TBL1XR1: variants seen among roughly 807,000 people sequenced by gnomAD.
TBL1XR1 encodes the protein F-box-like/WD repeat-containing protein TBL1XR1.
TBL1XR1 carries 5 observed loss-of-function variants against 66.9 expected under a neutral mutation model. The ratio of observed to expected loss-of-function variants is 0.07; its 90% CI spans 0.04 to 0.16. The LOEUF (loss-of-function observed/expected upper bound fraction) is 0.16, where lower values mean the gene tolerates loss of function less well. TBL1XR1 is among the 10% of genes least tolerant of loss of function. The pLI, the probability that TBL1XR1 is intolerant of heterozygous loss-of-function variation, is 1.00. For synonymous variants in TBL1XR1, 210 were observed against 206.0 expected, an observed-to-expected ratio of 1.02 and a Z score of -0.17; for missense variants, 238 against 623.2, an observed-to-expected ratio of 0.38 and a Z score of 6.58.
intron 1 of TBL1XR1, among the ~76,000 whole-genome samples, chr3:177,173,208 A>C (rs924398502): frequency 1.3e-5 from 2 of 152,096 alleles, no homozygotes; most frequent in South Asian, 2.1e-4. Context: ...AAACAAAACA[A>C]AACACCATAT....
At chr3:177,135,203 C>T (rs1346467990) in intron 1 of TBL1XR1, among the ~76,000 whole-genome samples, 2 of 148,590 alleles carry the variant, frequency 1.3e-5, no homozygotes, top group Admixed American at 6.8e-5. Flanking sequence ...GGTTTCGCCA[C>T]GTTGGCCAGA....
intron 1 of TBL1XR1, among the ~76,000 whole-genome samples, chr3:177,179,693 CAA>C (rs1313277432): frequency 2.0e-5 from 3 of 152,158 alleles, no homozygotes; most frequent in African/African-American, 7.2e-5. Flanking sequence ...CCATATTTAT[CAA>C]AGACCATTAG....
chr3:177,092,584 A>G, intron 2 of TBL1XR1, among the ~76,000 whole-genome samples: 1 of 152,182 alleles, frequency 6.6e-6, no homozygotes, highest in East Asian at 1.9e-4. Flanking sequence ...AATTATTGTC[A>G]GCACCTCACA....
intron 1 of TBL1XR1, among the ~76,000 whole-genome samples, chr3:177,101,103 C>T (rs1004633058): frequency 3.9e-5 from 6 of 152,088 alleles, no homozygotes; most frequent in African/African-American, 1.2e-4. Flanking sequence ...GTGATCTGCC[C>T]GCCTCAGCCT....
chr3:177,127,849 G>A (rs1455324381), intron 1 of TBL1XR1, among the ~76,000 whole-genome samples: 1 of 152,178 alleles, frequency 6.6e-6, no homozygotes, highest in African/African-American at 2.4e-5. Flanking sequence ...TAATCAGTGT[G>A]AATTGTTCCA....
intron 13 of TBL1XR1, 105 bp from the exon 14 acceptor site, chr3:177,033,241 CT>C: frequency 1.0e-6 from 1 of 957,308 alleles, no homozygotes; most frequent in East Asian, 2.8e-5. Flanking sequence ...AGCCAAAATT[CT>C]TTATGAGAAG....
chr3:177,134,682 A>G (rs1728691071), intron 1 of TBL1XR1, among the ~76,000 whole-genome samples: 1 of 152,108 alleles, frequency 6.6e-6, no homozygotes, highest in Non-Finnish European at 1.5e-5. Context: ...ATTTTTAAAT[A>G]CGGAATACAT....
chr3:177,033,029 T>C lies in TBL1XR1; in HGVS notation c.1358A>G (p.Asp453Gly), dbSNP rs764798364. The change falls in exon 14 of 16, where the codon GAT becomes GGT. Residue 453 changes from aspartate (D) to glycine (G), a missense_variant. Physicochemically the swap from Asp to Gly is moderately conservative, Grantham distance 94. Transcript: ENST00000457928. ...EPVYSVAFSP[D>G]GRYLASGSFD... is the part of the protein sequence containing the mutation. ...AGAACCACTTGCCAGATACCTGCCA[T>C]CAGGACTGAAAGCTACACTGTACAC... is the stretch of plus-strand genomic sequence containing the variant. 3.7e-6 allele frequency: 6 copies of C among 1,608,360 alleles called. No homozygotes were observed. Among genetic ancestry groups the C allele is most frequent in the African/African-American group, 1.3e-5 (1 of 74,826 alleles).
intron 12 of TBL1XR1, 96 bp downstream of exon 12, chr3:177,038,002 T>C: frequency 9.6e-7 from 1 of 1,038,806 alleles, no homozygotes; most frequent in Non-Finnish European, 1.4e-6. Context: ...GTACAAACAC[T>C]CCATGTAAGA....
intron 1 of TBL1XR1, among the ~76,000 whole-genome samples, chr3:177,172,623 A>T (rs1733667994): frequency 7.6e-6 from 1 of 132,218 alleles, no homozygotes; most frequent in Non-Finnish European, 1.6e-5. Context: ...CCTCATCTCA[A>T]GAAAGAGAGA....
At position 177,049,432 on chromosome 3, in the gene TBL1XR1, C is replaced by G. The variant is rs1465969134; in HGVS notation, c.702+565G>C. Among the ~76,000 whole-genome samples, 3 of 152,230 alleles carry G rather than the reference C, an allele frequency of 2.0e-5. No homozygotes were observed. The East Asian group carries it at 5.8e-4, about 29-fold the overall frequency. ...TGTAAGTCACAGTAGTCAAGTTGTC[C>G]TGAAAGATGTTGAATCATACACAGA... On this transcript the variant is annotated intron_variant, in intron 7 of 15. Transcript: ENST00000457928.
rs1257204165 is a variant in TBL1XR1, at chr3:177,019,571, C to T, written c.*5927G>A. 6.6e-6 allele frequency: 1 copy of T among 152,142 alleles called. No individual in the cohort carries two copies. Among genetic ancestry groups the T allele is most frequent in the East Asian group, 1.9e-4 (1 of 5,200 alleles). The allele number at this position is 152,142 out of a possible 1,614,324, so 9.4% of individuals were successfully genotyped here. ...GAGAAAAGCACCATAAAACTACCAT[C>T]TAAAGTGTCTTTTCCTCCACTGTAT... On this transcript the variant is annotated 3_prime_UTR_variant, in exon 16 of 16. Coordinates refer to ENST00000457928, the MANE Select transcript of TBL1XR1 (RefSeq NM_024665.7).
chr3:177,179,677 C>T (rs1734576944), intron 1 of TBL1XR1, among the ~76,000 whole-genome samples: 1 of 152,176 alleles, frequency 6.6e-6, no homozygotes, highest in African/African-American at 2.4e-5. Context: ...CTACCATGTG[C>T]ATTCACCATA....
At position 177,103,732 on chromosome 3, in the gene TBL1XR1, T is replaced by A. The variant is rs549378085; in HGVS notation, c.-121-5191A>T. ...CTTATTATTTAAGGTAGCAACACAC[T>A]CTAATCTAGAACCTAGTGGTCAGTA... is the stretch of plus-strand genomic sequence containing the variant. On this transcript the variant is annotated intron_variant, in intron 1 of 15. Transcript: ENST00000457928. 2.6e-5 allele frequency among the ~76,000 whole-genome samples: 4 copies of A among 152,278 alleles called. No homozygotes were observed. The East Asian group carries it at 7.7e-4, about 29-fold the overall frequency.
At chr3:177,158,022 T>C (rs1349078567) in intron 1 of TBL1XR1, among the ~76,000 whole-genome samples, 4 of 152,164 alleles carry the variant, frequency 2.6e-5, no homozygotes, top group Admixed American at 6.6e-5. Flanking sequence ...CCAAGGCTAA[T>C]AGGTTTGCTC....
At chr3:177,051,774 A>C in intron 4 of TBL1XR1, 48 bp from the exon 5 acceptor site, 1 of 1,441,398 alleles carries the variant, frequency 6.9e-7, no homozygotes, top group Non-Finnish European at 9.2e-7. Context: ...GCAATATTTA[A>C]AGTTATTTGT....
In TBL1XR1 at chr3:177,179,328, T is replaced by C. The variant is rs568462783; in HGVS notation, c.-122+17793A>G. Among the ~76,000 whole-genome samples the C allele has an allele frequency of 3.7e-4, 57 of 152,244 alleles. No individual in the cohort carries two copies. In the South Asian group the frequency reaches 0.011, roughly 30 times the overall value. ...TGTTACCTGATGCAAAACATGAATA[T>C]GCTGGGGAAAATCACGTATGAACCA... is the stretch of plus-strand genomic sequence containing the variant. On this transcript the variant is annotated intron_variant, in intron 1 of 15. Coordinates refer to ENST00000457928, the MANE Select transcript of TBL1XR1 (RefSeq NM_024665.7).
At chr3:177,140,930 G>C (rs1387578538) in intron 1 of TBL1XR1, among the ~76,000 whole-genome samples, 1 of 152,112 alleles carries the variant, frequency 6.6e-6, no homozygotes, top group East Asian at 1.9e-4. Context: ...CCTATCATTA[G>C]TGTATATTAT....
upstream of TBL1XR1, among the ~76,000 whole-genome samples, chr3:177,200,200 G>A (rs868590005): frequency 2.0e-5 from 3 of 152,160 alleles, no homozygotes; most frequent in Middle Eastern, 3.4e-3. Context: ...TCAAACTCCC[G>A]ACCTCAAGTC....
Sources: allele counts gnomAD v4.1 joint callset (sites outside exome capture counted in the v4.1 genomes callset), GRCh38; gene constraint gnomAD v4.1.1; transcripts MANE v1.5; gene names NCBI Gene and HGNC (gene_info 2026-07-23, HGNC 2026-07-21).